The following ZNF875 variants were observed in gnomAD, a reference collection of about 807,000 sequenced individuals.
ZNF875 encodes the protein HKR1, GLI-Kruppel zinc finger family member.
ZNF875 carries 14 observed loss-of-function variants against 11.2 expected under a neutral mutation model. The observed-to-expected ratio is 1.26, with a 90% CI of 0.83 to 1.96. ZNF875 has a LOEUF of 1.96. Among genes scored for constraint, ZNF875 ranks in the 30% most tolerant of loss-of-function variants. ZNF875 has a pLI of 0.00. For missense variants in ZNF875, 752 were observed against 760.4 expected (o/e 0.99, Z 0.13); for synonymous variants, 301 against 281.1 (o/e 1.07, Z -0.71).
At chr19:37,349,074 A>G (rs935188058) in intron 4 of ZNF875, among the ~76,000 whole-genome samples, 7 of 152,164 alleles carry the variant, frequency 4.6e-5, no homozygotes, top group African/African-American at 7.2e-5. Context: ...CTGGCAATCC[A>G]TGGCGTGGAG....
intron 2 of ZNF875, among the ~76,000 whole-genome samples, chr19:37,343,597 C>T (rs1177820912): frequency 6.6e-6 from 1 of 152,030 alleles, no homozygotes; most frequent in Non-Finnish European, 1.5e-5. Flanking sequence ...CTCCATGTGG[C>T]CTCTTCAGCA....
chr19:37,335,879 C>A (rs2034277631), intron 2 of ZNF875, among the ~76,000 whole-genome samples: 1 of 152,190 alleles, frequency 6.6e-6, no homozygotes, highest in African/African-American at 2.4e-5. Flanking sequence ...CGGCTCCAAA[C>A]ATAGTCTGAC....
intron 4 of ZNF875, among the ~76,000 whole-genome samples, chr19:37,354,450 T>G (rs1226297937): frequency 6.6e-6 from 1 of 151,848 alleles, no homozygotes; most frequent in Non-Finnish European, 1.5e-5. Context: ...TTTTATCCAG[T>G]CTTATTATTT....
chr19:37,316,298 C>T (rs1349500515), upstream of ZNF875, among the ~76,000 whole-genome samples: 8 of 152,224 alleles, frequency 5.3e-5, no homozygotes, highest in African/African-American at 9.6e-5. Flanking sequence ...AGACGGAGTC[C>T]GTCAGAGAAA....
At chr19:37,329,305 T>C (rs538557917) in intron 4 of ZNF875, among the ~76,000 whole-genome samples, 1 of 152,290 alleles carries the variant, frequency 6.6e-6, no homozygotes, top group South Asian at 2.1e-4. Context: ...GTGGTCTGCA[T>C]GTCCATGTTT....
intron 2 of ZNF875, among the ~76,000 whole-genome samples, chr19:37,336,546 A>G (rs1464653247): frequency 3.4e-5 from 5 of 148,208 alleles, no homozygotes; most frequent in Admixed American, 1.3e-4. Context: ...TGATCCACCC[A>G]CCTCGGCCTC....
chr19:37,362,603 G>A lies in ZNF875; in HGVS notation c.751G>A (p.Glu251Lys). ...LLSLQKTQTG[E>K]TPYMYTEWGD... ...TAGCCTCCAGAAGACACAAACTGGG[G>A]AGACACCTTACATGTACACTGAGTG... The change falls in exon 5 of 5, where the codon GAG (glutamate) becomes AAG (lysine). Residue 251 changes from glutamate (E) to lysine (K), a missense_variant. Physicochemically the swap from Glu to Lys is moderately conservative, Grantham distance 56. Transcript: ENST00000392153. 1.2e-6 allele frequency: 2 copies of A among 1,614,058 alleles called. No individual in the cohort carries two copies. The highest frequency in any genetic ancestry group is 1.7e-6 in the Non-Finnish European group (2 of 1,179,974).
At chr19:37,355,783 GTTTA>G (rs1035582796) in intron 4 of ZNF875, among the ~76,000 whole-genome samples, 18 of 152,104 alleles carry the variant, frequency 1.2e-4, no homozygotes, top group African/African-American at 3.6e-4. Flanking sequence ...CATTTCATTT[GTTTA>G]TTTAATTTTA....
intron 3 of ZNF875, chr19:37,324,102 T>C (rs2032010837): frequency 6.6e-6 from 1 of 152,252 alleles, no homozygotes; most frequent in South Asian, 2.1e-4. Flanking sequence ...GTTTGTCATC[T>C]GCAGTGGTTT....
Position 37,363,823 on chromosome 19 carries a change from ATACT to A in ZNF875, c.*50_*53del. The A allele has an allele frequency of 1.3e-6, 2 of 1,499,788 alleles. No homozygotes were observed. Among genetic ancestry groups the A allele is most frequent in the Non-Finnish European group, 1.8e-6 (2 of 1,083,610 alleles). 92.9% of individuals were successfully genotyped at this position (1,499,788 alleles called of 1,614,324 possible). The stretch of plus-strand genomic sequence containing the variant: ...GTGGTACAGCCTTTAGCCAGGAGTC[ATACT>A]TCATCAGACACCAGAGGACACACAC... On this transcript the variant is annotated 3_prime_UTR_variant, in exon 5 of 5. Coordinates refer to ENST00000392153, the MANE Select transcript of ZNF875 (RefSeq NM_001353803.2).
At chr19:37,336,933 A>G (rs1387303229) in intron 2 of ZNF875, among the ~76,000 whole-genome samples, 1 of 152,084 alleles carries the variant, frequency 6.6e-6, no homozygotes, top group African/African-American at 2.4e-5. Context: ...ATAAATATAC[A>G]TATGTTAAGA....
In ZNF875 at chr19:37,363,163, C is replaced by T; in HGVS notation, c.1311C>T (p.Leu437=). The change falls in exon 5 of 5, where the codon CTC becomes CTT. Residue 437 remains leucine, a synonymous_variant. Transcript: ENST00000392153. ...GTCACTTTAGCTGGAAATCAAACCTCAAAACACACCAGAGGACACACTCAG... is the reference window on the plus strand; with the variant it reads ...GTCACTTTAGCTGGAAATCAAACCTTAAAACACACCAGAGGACACACTCAG... ...CGRHFSWKSN[L]KTHQRTHSGV... is the part of the protein sequence containing the mutation. 1.2e-6 allele frequency: 2 copies of T among 1,613,530 alleles called. No individual in the cohort carries two copies. Among genetic ancestry groups the T allele is most frequent in the Non-Finnish European group, 1.7e-6 (2 of 1,179,850 alleles).
At position 37,361,196 on chromosome 19, in the gene ZNF875, C is replaced by T. The variant is rs146782117; in HGVS notation, c.257-913C>T. Among the ~76,000 whole-genome samples, 941 of 150,890 alleles carry T rather than the reference C, an allele frequency of 6.2e-3. 25 individuals are homozygous for T. Among genetic ancestry groups the T allele is most frequent in the East Asian group, 0.052 (265 of 5,106 alleles). On this transcript the variant is annotated intron_variant, in intron 4 of 4. Transcript: ENST00000392153. ...CACGATCTCAGCTCACTGCAACGTC[C>T]GCCTCCGGGGTTCAAGCGATTCTCC...
upstream of ZNF875, among the ~76,000 whole-genome samples, chr19:37,329,782 A>G (rs2033100923): frequency 6.6e-6 from 1 of 152,146 alleles, no homozygotes; most frequent in Admixed American, 6.5e-5. Flanking sequence ...ACAGTGTGGT[A>G]CCTGCAGGTC....
chr19:37,356,748 G>A (rs777598638), intron 4 of ZNF875, among the ~76,000 whole-genome samples: 6 of 152,082 alleles, frequency 3.9e-5, no homozygotes, highest in South Asian at 2.1e-4. Context: ...TGCATGGTTC[G>A]CAAATGCTTT....
chr19:37,313,312 G>A (rs2030041614), upstream of ZNF875: 1 of 152,230 alleles, frequency 6.6e-6, no homozygotes, highest in African/African-American at 2.4e-5. Flanking sequence ...GCCAGAACCA[G>A]GTAAAGGAAT....
intron 2 of ZNF875, among the ~76,000 whole-genome samples, chr19:37,339,520 C>G (rs964910750): frequency 3.3e-5 from 5 of 149,392 alleles, no homozygotes; most frequent in African/African-American, 1.2e-4. Context: ...GCACCCACAG[C>G]AGTTGGAGAT....
intron 2 of ZNF875, among the ~76,000 whole-genome samples, chr19:37,336,907 C>A (rs999099236): frequency 2.6e-5 from 4 of 151,836 alleles, no homozygotes; most frequent in African/African-American, 4.8e-5. Context: ...GACTCCATCT[C>A]AAAATAAATA....
At chr19:37,340,776 G>A (rs2035557431) in intron 2 of ZNF875, among the ~76,000 whole-genome samples, 1 of 150,820 alleles carries the variant, frequency 6.6e-6, no homozygotes, top group Non-Finnish European at 1.5e-5. Flanking sequence ...AGCCTCCCGA[G>A]TAGCTGGGAC....
Sources: gnomAD v4.1 joint callset for allele counts (sites outside exome capture counted in the v4.1 genomes callset) on GRCh38, gnomAD v4.1.1 for gene constraint, MANE v1.5 for transcripts, NCBI Gene and HGNC (gene_info 2026-07-23, HGNC 2026-07-21) for gene names.